Variants in TEX12 observed in about 807,000 individuals in gnomAD.
TEX12 encodes the protein testis expressed 12.
A neutral mutation model predicts 14.6 loss-of-function variants in TEX12; 7 were observed. That is an observed-to-expected ratio of 0.48 (90% CI 0.27 to 0.90). The LOEUF is 0.90. TEX12 is among the 40% of genes least tolerant of loss of function. TEX12 has a pLI of 0.12. For synonymous variants in TEX12, 57 were observed against 49.1 expected, an observed-to-expected ratio of 1.16 and a Z score of -0.67; for missense variants, 121 against 135.7, an observed-to-expected ratio of 0.89 and a Z score of 0.54.
intron 2 of TEX12, 26 bp from the exon 3 acceptor site, chr11:112,170,393 C>T (rs1391703559): frequency 1.4e-6 from 2 of 1,411,774 alleles, no homozygotes; most frequent in East Asian, 2.3e-5. Flanking sequence ...TTGACTGTAC[C>T]TGTTTTCTTT....
In TEX12 at chr11:112,170,522, A is replaced by G. The variant is rs781552926; in HGVS notation, c.167A>G (p.Asp56Gly). The change falls in exon 3 of 5, where the codon GAT (aspartate) becomes GGT (glycine). Residue 56 changes from aspartate to glycine, a missense_variant. Asp to Gly is a moderately conservative substitution (Grantham distance 94). Coordinates refer to ENST00000280358, the MANE Select transcript of TEX12 (RefSeq NM_031275.4). Reference sequence around the variant, plus strand: ...TATAAAGATGAAGCCTTGGAGAAAGATTTAAATGGTGATGTATAAAATGTT... The same window carrying G: ...TATAAAGATGAAGCCTTGGAGAAAGGTTTAAATGGTGATGTATAAAATGTT... Reference protein sequence around the residue: ...LFYKDEALEKDLNDVSKEINL... With the variant: ...LFYKDEALEKGLNDVSKEINL... The G allele has an allele frequency of 6.3e-5, 102 of 1,607,332 alleles. No homozygotes were observed. Among genetic ancestry groups the G allele is most frequent in the Non-Finnish European group, 7.8e-5 (92 of 1,174,468 alleles).
At chr11:112,169,534 A>G (rs1866766626) in intron 2 of TEX12, among the ~76,000 whole-genome samples, 1 of 152,134 alleles carries the variant, frequency 6.6e-6, no homozygotes, top group South Asian at 2.1e-4. Context: ...AACTATTGGG[A>G]GATTTCTTTT....
intron 1 of TEX12, 27 bp downstream of exon 1, chr11:112,167,514 G>A (rs1866740883): frequency 6.6e-6 from 1 of 152,436 alleles, no homozygotes; most frequent in African/African-American, 2.4e-5. Context: ...TTCCTCTGAG[G>A]GGCTCTAGTG....
intron 4 of TEX12, among the ~76,000 whole-genome samples, chr11:112,171,344 G>T (rs934090467): frequency 4.0e-5 from 6 of 151,894 alleles, no homozygotes; most frequent in African/African-American, 1.5e-4. Context: ...ATCTGTGGGG[G>T]ATTCTGGAAC....
chr11:112,171,719 AATG>A, intron 4 of TEX12, 50 bp from the exon 5 acceptor site: 1 of 1,070,748 alleles, frequency 9.3e-7, no homozygotes, highest in Non-Finnish European at 1.3e-6. Flanking sequence ...AGAACAACAT[AATG>A]ATGTTGTTTA....
intron 4 of TEX12, among the ~76,000 whole-genome samples, 174 bp from the exon 5 acceptor site, chr11:112,171,598 A>C (rs187297231): frequency 6.6e-6 from 1 of 152,134 alleles, no homozygotes; most frequent in East Asian, 1.9e-4. Flanking sequence ...TTGAGTAGTC[A>C]AAAATATTTG....
In TEX12 at chr11:112,171,764, C is replaced by T. The variant is rs1269291265; in HGVS notation, c.228-8C>T. ...CTTAGTTTAATATACAACTTTTTTT[C>T]CTATTAGTGAGAGAGCAGCAGTAGA... On this transcript the variant is annotated splice_polypyrimidine_tract_variant and splice_region_variant and intron_variant, in intron 4 of 4. Transcript: ENST00000280358. 1 of 1,501,118 alleles carries T rather than the reference C, an allele frequency of 6.7e-7. No homozygotes were observed. 93.0% of individuals were successfully genotyped at this position (1,501,118 alleles called of 1,614,324 possible).
At chr11:112,167,889 G>C (rs921104355) in intron 1 of TEX12, among the ~76,000 whole-genome samples, 1 of 152,110 alleles carries the variant, frequency 6.6e-6, no homozygotes, top group Non-Finnish European at 1.5e-5. Flanking sequence ...AGAGAAGGGG[G>C]TGAAGGGGAA....
At chr11:112,169,559 C>G (rs568043170) in intron 2 of TEX12, among the ~76,000 whole-genome samples, 1 of 152,126 alleles carries the variant, frequency 6.6e-6, no homozygotes, top group African/African-American at 2.4e-5. Flanking sequence ...AGCTTGAGAT[C>G]TAGAGACAGA....
At chr11:112,171,682 A>C in intron 4 of TEX12, 90 bp from the exon 5 acceptor site, 1 of 845,656 alleles carries the variant, frequency 1.2e-6, no homozygotes, top group African/African-American at 1.7e-5. Flanking sequence ...CATTTAAATG[A>C]AATAGTTAAC....
intron 2 of TEX12, among the ~76,000 whole-genome samples, chr11:112,169,896 C>T (rs137903259): frequency 1.3e-5 from 2 of 152,188 alleles, no homozygotes; most frequent in African/African-American, 2.4e-5. Flanking sequence ...TAAGGCTGGG[C>T]GCATTGGCTC....
At chr11:112,169,689 T>TACTGCCCCC (rs1478257590) in intron 2 of TEX12, among the ~76,000 whole-genome samples, 1 of 152,244 alleles carries the variant, frequency 6.6e-6, no homozygotes, top group African/African-American at 2.4e-5. Flanking sequence ...TGTCTTTTAC[T>TACTGCCCCC]ACTGCCCCCA....
Position 112,171,912 on chromosome 11 carries a change from G to A in TEX12, c.368G>A (p.Arg123Lys). Residue 123 changes from arginine to lysine, a missense_variant, in exon 5 of 5, where the codon AGA (arginine) becomes AAA (lysine). Arg to Lys is a conservative substitution (Grantham distance 26). Coordinates refer to ENST00000280358, the MANE Select transcript of TEX12 (RefSeq NM_031275.4). ...ACAGTGATTGCAAACACATTACACAGATAAAATATATACTTGAAATAAGCT... is the reference window on the plus strand; with the variant it reads ...ACAGTGATTGCAAACACATTACACAAATAAAATATATACTTGAAATAAGCT... ...RFTVIANTLH[R>K] 2.7e-6 allele frequency: 4 copies of A among 1,500,254 alleles called. No individual in the cohort carries two copies. The highest frequency in any genetic ancestry group is 2.5e-5 in the East Asian group (1 of 40,292). The allele number at this position is 1,500,254 out of a possible 1,614,324, so 92.9% of individuals were successfully genotyped here.
At position 112,172,535 on chromosome 11, in the gene TEX12, A is replaced by C. The variant is rs1268384951; in HGVS notation, c.*619A>C. ...TTTCTTGTGGTAAAAGTAGTAAAATAAAAACCAGAAATTACTCACCAGAAC... is the reference window on the plus strand; with the variant it reads ...TTTCTTGTGGTAAAAGTAGTAAAATCAAAACCAGAAATTACTCACCAGAAC... On this transcript the variant is annotated 3_prime_UTR_variant, in exon 5 of 5. Transcript: ENST00000280358. The C allele has an allele frequency of 6.6e-6, 1 of 152,168 alleles. No homozygotes were observed. Among genetic ancestry groups the C allele is most frequent in the Non-Finnish European group, 1.5e-5 (1 of 67,998 alleles). The allele number at this position is 152,168 out of a possible 1,614,324, so 9.4% of individuals were successfully genotyped here.
At chr11:112,168,535 T>C (rs983108891) in intron 1 of TEX12, among the ~76,000 whole-genome samples, 1 of 152,158 alleles carries the variant, frequency 6.6e-6, no homozygotes, top group Non-Finnish European at 1.5e-5. Context: ...AACATTAAGA[T>C]TTTGTGAAGA....
intron 1 of TEX12, among the ~76,000 whole-genome samples, 187 bp downstream of exon 1, chr11:112,167,674 A>T (rs993224365): frequency 7.9e-5 from 12 of 152,146 alleles, no homozygotes; most frequent in African/African-American, 2.9e-4. Context: ...GACAGTGCTT[A>T]GTAACAGCCA....
At chr11:112,170,041 A>G (rs1359337897) in intron 2 of TEX12, among the ~76,000 whole-genome samples, 4 of 152,174 alleles carry the variant, frequency 2.6e-5, no homozygotes, top group African/African-American at 4.8e-5. Context: ...TTAGCTGGGC[A>G]TGGTGGAATG....
intron 1 of TEX12, among the ~76,000 whole-genome samples, chr11:112,167,886 G>C (rs971811538): frequency 1.3e-5 from 2 of 152,138 alleles, no homozygotes; most frequent in Non-Finnish European, 2.9e-5. Flanking sequence ...AGAAGAGAAG[G>C]GGGTGAAGGG....
At chr11:112,169,383 C>T in intron 2 of TEX12, 52 bp downstream of exon 2, 2 of 1,384,866 alleles carry the variant, frequency 1.4e-6, no homozygotes, top group Non-Finnish European at 2.1e-6. Flanking sequence ...TTACATACTA[C>T]TCAAATTTCT....
Sources: gnomAD v4.1 joint callset for allele counts (sites outside exome capture counted in the v4.1 genomes callset) on GRCh38, gnomAD v4.1.1 for gene constraint, MANE v1.5 for transcripts, NCBI Gene and HGNC (gene_info 2026-07-23, HGNC 2026-07-21) for gene names.